The following KIR3DL2 variants were observed in gnomAD, a reference collection of about 807,000 sequenced individuals.
The protein encoded by KIR3DL2 is killer cell immunoglobulin-like receptor 3DL2.
A neutral mutation model predicts 41.6 loss-of-function variants in KIR3DL2; 42 were observed. That is an observed-to-expected ratio of 1.01 (90% CI 0.79 to 1.31). KIR3DL2 has a LOEUF of 1.31. Among genes scored for constraint, KIR3DL2 ranks in the 50% most tolerant of loss-of-function variants. The pLI, the probability that KIR3DL2 is intolerant of heterozygous loss-of-function variation, is 0.00. For synonymous variants in KIR3DL2, 230 were observed against 221.3 expected, an observed-to-expected ratio of 1.04 and a Z score of -0.35; for missense variants, 728 against 576.8, an observed-to-expected ratio of 1.26 and a Z score of -2.68.
At chr19:54,865,025 A>T (rs1164913335) in intron 6 of KIR3DL2, among the ~76,000 whole-genome samples, 1 of 152,056 alleles carries the variant, frequency 6.6e-6, no homozygotes, top group Non-Finnish European at 1.5e-5. Flanking sequence ...ATTTTGAGAT[A>T]CGTCCCATCA....
intron 6 of KIR3DL2, among the ~76,000 whole-genome samples, chr19:54,859,575 A>G (rs1376306173): frequency 1.3e-5 from 2 of 151,872 alleles, no homozygotes; most frequent in Non-Finnish European, 2.9e-5. Flanking sequence ...CCTTGCCGTA[A>G]CAGAGAACAG....
At position 54,855,875 on chromosome 19, in the gene KIR3DL2, G is replaced by A. The variant is rs762420890; in HGVS notation, c.912G>A (p.Trp304Ter). 12 of 1,613,590 alleles carry A rather than the reference G, an allele frequency of 7.4e-6. No individual in the cohort carries two copies. The South Asian group carries it at 1.2e-4, about 16-fold the overall frequency. The stretch of plus-strand genomic sequence containing the variant: ...CTTTCCGTGCCCTGCCCTGCGTGTG[G>A]TCAAACTCAAGTGACCCACTGCTTG... ...FGSFRALPCV[W>*]SNSSDPLLVS... The change falls in exon 5 of 9, where the codon TGG (tryptophan) becomes TGA (stop). Residue 304 changes from tryptophan to a stop codon, truncating the protein, a stop_gained. Transcript: ENST00000326321. LOFTEE classifies it high-confidence loss of function.
rs779145568 is a variant in KIR3DL2 at position 54,866,438 on chromosome 19, C to A, written c.1158+16C>A. On this transcript the variant is annotated intron_variant, in intron 8 of 8. Coordinates refer to ENST00000326321, the MANE Select transcript of KIR3DL2 (RefSeq NM_006737.4). ...GAATAGGCAGGTAGGTCCTCCTCGG[C>A]CCAGCCTCACGGATACAGTCTTATC... 6.2e-7 allele frequency: 1 copy of A among 1,614,014 alleles called. No individual in the cohort carries two copies. Among genetic ancestry groups the A allele is most frequent in the Non-Finnish European group, 8.5e-7 (1 of 1,179,950 alleles).
At chr19:54,865,630 T>G (rs1327074899) in intron 6 of KIR3DL2, among the ~76,000 whole-genome samples, 175 bp from the exon 7 acceptor site, 1 of 152,146 alleles carries the variant, frequency 6.6e-6, no homozygotes, top group Non-Finnish European at 1.5e-5. Context: ...CAGCATGTTC[T>G]ATGGTTTCTA....
chr19:54,856,038 G>T (rs565216956), intron 5 of KIR3DL2, 126 bp downstream of exon 5: 45 of 1,227,600 alleles, frequency 3.7e-5, no homozygotes, highest in Non-Finnish European at 4.9e-5. Flanking sequence ...TGTGAGGGGG[G>T]GGTCAGGGTG....
rs769536458 is a variant in KIR3DL2, at chr19:54,852,081, C to T, written c.154C>T (p.Arg52Cys). The change falls in exon 3 of 9, where the codon CGT (arginine) becomes TGT (cysteine). Residue 52 changes from arginine (R) to cysteine (C), a missense_variant. Transcript: ENST00000326321. ...ACACGTGGCTCTTCAGTGTCACTAT[C>T]GTCGTGGGTTTAACAATTTCATGCT... is the stretch of plus-strand genomic sequence containing the variant. The part of the protein sequence containing the change: ...GGHVALQCHY[R>C]RGFNNFMLYK... The T allele has an allele frequency of 3.2e-5, 52 of 1,612,666 alleles. 1 individual carries two copies. In the African/African-American group the frequency reaches 5.6e-4, roughly 17 times the overall value.
intron 6 of KIR3DL2, among the ~76,000 whole-genome samples, chr19:54,863,288 C>G (rs2145715753): frequency 6.6e-6 from 1 of 152,054 alleles, no homozygotes; most frequent in Middle Eastern, 3.4e-3. Context: ...CAAGTCTTTG[C>G]TATTGTGAAT....
At position 54,866,301 on chromosome 19, in the gene KIR3DL2, G is replaced by A. The variant is rs1179593328; in HGVS notation, c.1106-69G>A. The stretch of plus-strand genomic sequence containing the variant: ...ACCTACAGCCTCCCCCTGTGGGTTG[G>A]TGTCTGCCCATGAAATGAGGACCCA... On this transcript the variant is annotated intron_variant, in intron 7 of 8. Transcript: ENST00000326321. 1.4e-5 allele frequency: 22 copies of A among 1,543,750 alleles called. No individual in the cohort carries two copies. In the South Asian group the frequency reaches 2.5e-4, roughly 17 times the overall value.
At chr19:54,859,640 C>G (rs1319428984) in intron 6 of KIR3DL2, among the ~76,000 whole-genome samples, 1 of 151,844 alleles carries the variant, frequency 6.6e-6, no homozygotes, top group Non-Finnish European at 1.5e-5. Context: ...GCCCCATGCT[C>G]AGGCTGTGCA....
chr19:54,855,000 G>A (rs1244807990), intron 4 of KIR3DL2, among the ~76,000 whole-genome samples: 1 of 151,224 alleles, frequency 6.6e-6, no homozygotes, highest in Non-Finnish European at 1.5e-5. Context: ...ATAATGGATA[G>A]GTTATAGATA....
intron 5 of KIR3DL2, 117 bp downstream of exon 5, chr19:54,856,029 G>A: frequency 1.6e-6 from 2 of 1,275,152 alleles, no homozygotes; most frequent in Middle Eastern, 2.0e-4. Flanking sequence ...AAGACTGGGT[G>A]TGAGGGGGGG....
At chr19:54,854,217 A>C (rs1456210305) in intron 4 of KIR3DL2, among the ~76,000 whole-genome samples, 171 bp downstream of exon 4, 4 of 151,732 alleles carry the variant, frequency 2.6e-5, no homozygotes, top group Non-Finnish European at 5.9e-5. Context: ...ACATAAGTAC[A>C]GACCAGGTGT....
Position 54,867,045 on chromosome 19 carries a change from C to A in KIR3DL2, c.*314C>A. On this transcript the variant is annotated 3_prime_UTR_variant, in exon 9 of 9. Coordinates refer to ENST00000326321, the MANE Select transcript of KIR3DL2 (RefSeq NM_006737.4). ...CACAATTCCAAACATACAAGAGGCT[C>A]CCTCTTAACACGGCACTTACACACT... 2.3e-6 allele frequency: 1 copy of A among 433,282 alleles called. No homozygotes were observed. The highest frequency in any genetic ancestry group is 4.1e-6 in the Non-Finnish European group (1 of 241,536). The allele number at this position is 433,282 out of a possible 1,614,324, so 26.8% of individuals were successfully genotyped here.
intron 4 of KIR3DL2, among the ~76,000 whole-genome samples, chr19:54,854,853 A>G (rs2064609472): frequency 6.6e-6 from 1 of 151,786 alleles, no homozygotes; most frequent in East Asian, 1.9e-4. Context: ...AGAGAAAGAT[A>G]AAGATGTGGG....
chr19:54,865,947 C>T lies in KIR3DL2; in HGVS notation c.1105+38C>T, dbSNP rs1258643698. On this transcript the variant is annotated intron_variant, in intron 7 of 8. Coordinates refer to ENST00000326321, the MANE Select transcript of KIR3DL2 (RefSeq NM_006737.4). ...AAGCAGAGGCCAGAGAGCTCAGGGC[C>T]ATGTGGGGAAGCAGGATGGGAGCAC... is the stretch of plus-strand genomic sequence containing the variant. 3.2e-6 allele frequency: 5 copies of T among 1,569,312 alleles called. No individual in the cohort carries two copies. The South Asian group carries it at 4.4e-5, about 14-fold the overall frequency.
chr19:54,862,988 A>C (rs2065283041), intron 6 of KIR3DL2, among the ~76,000 whole-genome samples: 1 of 130,010 alleles, frequency 7.7e-6, no homozygotes, highest in African/African-American at 2.8e-5. Flanking sequence ...TATATCTCCT[A>C]ATGCTATCCC....
intron 2 of KIR3DL2, among the ~76,000 whole-genome samples, chr19:54,851,636 A>C (rs1271454037): frequency 6.6e-6 from 1 of 151,532 alleles, no homozygotes; most frequent in Non-Finnish European, 1.5e-5. Flanking sequence ...AGAGGGGGGA[A>C]ACCACAGCCA....
chr19:54,866,321 G>A, intron 7 of KIR3DL2, 49 bp from the exon 8 acceptor site: 1 of 1,606,154 alleles, frequency 6.2e-7, no homozygotes, highest in Non-Finnish European at 8.5e-7. Flanking sequence ...ATGAAATGAG[G>A]ACCCAGAAGG....
chr19:54,853,082 C>A (rs2064425991), intron 3 of KIR3DL2, among the ~76,000 whole-genome samples: 1 of 151,062 alleles, frequency 6.6e-6, no homozygotes, highest in African/African-American at 2.5e-5. Context: ...TGCACTCCAG[C>A]CTGGGTGAAA....
Sources: allele counts gnomAD v4.1 joint callset (sites outside exome capture counted in the v4.1 genomes callset), GRCh38; gene constraint gnomAD v4.1.1; transcripts MANE v1.5; gene names NCBI Gene and HGNC (gene_info 2026-07-23, HGNC 2026-07-21).